Variants in SOAT2 observed in about 807,000 individuals in gnomAD.
SOAT2 encodes the protein sterol O-acyltransferase 2.
Under a neutral mutation model 76.0 loss-of-function variants are expected in SOAT2, and 87 were observed. The ratio of observed to expected loss-of-function variants is 1.14; its 90% CI spans 0.96 to 1.37. The LOEUF is 1.37. SOAT2 is among the 40% of genes most tolerant of loss of function. The pLI is 0.00. For missense variants in SOAT2, 686 were observed against 682.1 expected (o/e 1.01, Z -0.06); for synonymous variants, 285 against 275.4 (o/e 1.03, Z -0.34).
chr12:53,118,403 C>T lies in SOAT2; in HGVS notation c.832C>T (p.Pro278Ser). Residue 278 changes from proline (P) to serine (S), a missense_variant, in exon 8 of 15, where the codon CCA becomes TCA. By Grantham distance (74) the Pro-to-Ser change is moderately conservative. Coordinates refer to ENST00000301466, the MANE Select transcript of SOAT2 (RefSeq NM_003578.4). ...FSSYLYFLFC[P>S]TLIYRETYPR... ...CAGCTACCTCTACTTCCTCTTCTGC[C>T]CAACACTCATCTACAGGGAGACTTA... is the stretch of plus-strand genomic sequence containing the variant. The T allele has an allele frequency of 3.7e-6, 6 of 1,613,660 alleles. No homozygotes were observed. Among genetic ancestry groups the T allele is most frequent in the Non-Finnish European group, 5.1e-6 (6 of 1,179,764 alleles).
Position 53,119,263 on chromosome 12 carries a change from C to T in SOAT2, c.1039+10C>T. 6.2e-7 allele frequency: 1 copy of T among 1,613,762 alleles called. No individual in the cohort carries two copies. Among genetic ancestry groups the T allele is most frequent in the South Asian group, 1.1e-5 (1 of 91,036 alleles). ...CATGCCACGTTGCCAGGTGAGCCAACTAAGGTAGGGCTAGAGCAGCTGTGC... is the reference window on the plus strand; with the variant it reads ...CATGCCACGTTGCCAGGTGAGCCAATTAAGGTAGGGCTAGAGCAGCTGTGC... On this transcript the variant is annotated intron_variant, in intron 10 of 14. Coordinates refer to ENST00000301466, the MANE Select transcript of SOAT2 (RefSeq NM_003578.4).
intron 5 of SOAT2, 97 bp downstream of exon 5, chr12:53,106,111 T>C: frequency 1.3e-6 from 1 of 781,602 alleles, no homozygotes; most frequent in Non-Finnish European, 2.1e-6. Context: ...GGACACAGGT[T>C]CCCCCTTTGG....
rs763317202 is a variant in SOAT2 at position 53,116,154 on chromosome 12, C to T, written c.766C>T (p.Arg256Cys). Reference sequence around the variant, plus strand: ...GAGAGAGGCTGTGCCTGGGACCCTTCGTGCCAGACGAGGTGAGGCCTTCAT... The same window carrying T: ...GAGAGAGGCTGTGCCTGGGACCCTTTGTGCCAGACGAGGTGAGGCCTTCAT... ...FLREAVPGTL[R>C]ARRGEGIQAP... Residue 256 changes from arginine to cysteine, a missense_variant, in exon 7 of 15, where the codon CGT becomes TGT. Physicochemically the swap from Arg to Cys is radical, Grantham distance 180. Coordinates refer to ENST00000301466, the MANE Select transcript of SOAT2 (RefSeq NM_003578.4). 8 of 1,613,978 alleles carry T rather than the reference C, an allele frequency of 5.0e-6. No individual in the cohort carries two copies. The highest frequency in any genetic ancestry group is 4.0e-5 in the African/African-American group (3 of 75,050).
chr12:53,118,427 TA>T lies in SOAT2; in HGVS notation c.857del (p.Tyr286SerfsTer41), dbSNP rs767145436. On this transcript the variant is annotated frameshift_variant, in exon 8 of 15. Coordinates refer to ENST00000301466, the MANE Select transcript of SOAT2 (RefSeq NM_003578.4). LOFTEE classifies it high-confidence loss of function. ...FCPTLIYRET[Y>X]PRTPYVRWNY... is the part of the protein sequence containing the mutation. The stretch of plus-strand genomic sequence containing the variant: ...CCCAACACTCATCTACAGGGAGACT[TA>T]CCCTAGGTAAGACCCTGCACTCCTT... The T allele has an allele frequency of 6.2e-7, 1 of 1,612,068 alleles. No homozygotes were observed. The highest frequency in any genetic ancestry group is 8.5e-7 in the Non-Finnish European group (1 of 1,178,292).
At chr12:53,118,200 T>G in intron 7 of SOAT2, 150 bp from the exon 8 acceptor site, 1 of 625,504 alleles carries the variant, frequency 1.6e-6, no homozygotes, top group Non-Finnish European at 2.9e-6. Flanking sequence ...CTAGCCCGCA[T>G]CCAGGTCCTA....
chr12:53,109,586 A>T (rs1473664153), intron 5 of SOAT2, among the ~76,000 whole-genome samples: 1 of 152,074 alleles, frequency 6.6e-6, no homozygotes, highest in East Asian at 1.9e-4. Context: ...GATTCAAGTG[A>T]TTCTCCTGCC....
Position 53,118,415 on chromosome 12 carries a change from T to C in SOAT2, c.844T>C (p.Tyr282His). 1 of 1,613,436 alleles carries C rather than the reference T, an allele frequency of 6.2e-7. No homozygotes were observed. The highest frequency in any genetic ancestry group is 1.3e-5 in the African/African-American group (1 of 74,928). Reference protein sequence around the residue: ...LYFLFCPTLIYRETYPRTPYV... With the variant: ...LYFLFCPTLIHRETYPRTPYV... ...CTTCCTCTTCTGCCCAACACTCATCTACAGGGAGACTTACCCTAGGTAAGA... is the reference window on the plus strand; with the variant it reads ...CTTCCTCTTCTGCCCAACACTCATCCACAGGGAGACTTACCCTAGGTAAGA... Residue 282 changes from tyrosine (Y) to histidine (H), a missense_variant, in exon 8 of 15, where the codon TAC (tyrosine) becomes CAC (histidine). Tyr to His is a moderately conservative substitution (Grantham distance 83, BLOSUM62 2). Coordinates refer to ENST00000301466, the MANE Select transcript of SOAT2 (RefSeq NM_003578.4).
intron 5 of SOAT2, among the ~76,000 whole-genome samples, chr12:53,108,289 TATG>T (rs1288626779): frequency 1.3e-5 from 2 of 152,178 alleles, no homozygotes; most frequent in African/African-American, 2.4e-5. Flanking sequence ...GTACACAAAA[TATG>T]ATGCCAGTTT....
intron 5 of SOAT2, among the ~76,000 whole-genome samples, chr12:53,106,343 C>G (rs1937936112): frequency 6.6e-6 from 1 of 152,262 alleles, no homozygotes; most frequent in Non-Finnish European, 1.5e-5. Flanking sequence ...ATTCAAGTAA[C>G]CTCCATTGAG....
intron 11 of SOAT2, 102 bp downstream of exon 11, chr12:53,120,985 G>A (rs1938181793): frequency 1.2e-6 from 1 of 863,604 alleles, no homozygotes; most frequent in East Asian, 2.4e-5. Flanking sequence ...CAGCCATGCT[G>A]TTCACCTCCC....
chr12:53,112,654 A>T (rs914701519), intron 5 of SOAT2, among the ~76,000 whole-genome samples: 3 of 151,880 alleles, frequency 2.0e-5, no homozygotes, highest in Admixed American at 6.6e-5. Context: ...ACGTATACAC[A>T]TCTTGGATGT....
At chr12:53,113,615 G>A (rs1938057463) in intron 5 of SOAT2, among the ~76,000 whole-genome samples, 1 of 152,204 alleles carries the variant, frequency 6.6e-6, no homozygotes, top group African/African-American at 2.4e-5. Flanking sequence ...AACTGGGGAG[G>A]AAGAGAGTTT....
intron 12 of SOAT2, among the ~76,000 whole-genome samples, chr12:53,122,531 ACT>A (rs1165151114): frequency 1.3e-5 from 2 of 150,546 alleles, no homozygotes; most frequent in Non-Finnish European, 2.9e-5. Flanking sequence ...AGTGGTGATG[ACT>A]CTTAACCAGC....
Position 53,104,207 on chromosome 12 carries a change from G to C in SOAT2, c.138+1G>C, listed in dbSNP as rs1323340135. 1 of 1,612,110 alleles carries C rather than the reference G, an allele frequency of 6.2e-7. No individual in the cohort carries two copies. Among genetic ancestry groups the C allele is most frequent in the South Asian group, 1.1e-5 (1 of 91,052 alleles). ...GGTACAATGGACCCGACACATGGAG[G>C]TGAGGGATGTCAGAGGTCAGAGGTC... On this transcript the variant is annotated splice_donor_variant, in intron 2 of 14. Transcript: ENST00000301466. LOFTEE classifies it high-confidence loss of function.
At chr12:53,104,087 A>T in intron 1 of SOAT2, 64 bp from the exon 2 acceptor site, 12 of 1,351,678 alleles carry the variant, frequency 8.9e-6, no homozygotes, top group Non-Finnish European at 1.3e-5. Context: ...TGACCACAGG[A>T]TGCCTCTGGG....
At chr12:53,106,225 C>T (rs966950619) in intron 5 of SOAT2, among the ~76,000 whole-genome samples, 3 of 152,284 alleles carry the variant, frequency 2.0e-5, no homozygotes, top group African/African-American at 7.2e-5. Context: ...TCTGTCCTCC[C>T]AGGGCCGGCC....
At chr12:53,122,489 G>T (rs1320624985) in intron 12 of SOAT2, among the ~76,000 whole-genome samples, 1 of 149,530 alleles carries the variant, frequency 6.7e-6, no homozygotes, top group East Asian at 1.9e-4. Context: ...GCCTTCCGCA[G>T]TGTTTGTGTC....
intron 12 of SOAT2, 42 bp from the exon 13 acceptor site, chr12:53,123,039 C>T (rs1387737374): frequency 6.4e-7 from 1 of 1,562,204 alleles, no homozygotes; most frequent in Non-Finnish European, 8.6e-7. Flanking sequence ...TGTGGAGGAG[C>T]TCAGGGAGAC....
At chr12:53,123,252 C>G in intron 13 of SOAT2, 36 bp downstream of exon 13, 2 of 1,611,852 alleles carry the variant, frequency 1.2e-6, no homozygotes, top group Non-Finnish European at 1.7e-6. Flanking sequence ...AGGGAGCCAT[C>G]CAGAGGGAGG....
Sources: allele counts gnomAD v4.1 joint callset (sites outside exome capture counted in the v4.1 genomes callset), GRCh38; gene constraint gnomAD v4.1.1; transcripts MANE v1.5; gene names NCBI Gene and HGNC (gene_info 2026-07-23, HGNC 2026-07-21).